SLC71A2: variants seen among roughly 807,000 people sequenced by gnomAD.
The protein encoded by SLC71A2 is solute carrier family 71 member 2.
the SLC71A2 span, among the ~76,000 whole-genome samples, chr9:94,455,378 A>ATTTTTTTTTTTT: frequency 5.4e-4 from 46 of 85,780 alleles, 2 homozygotes; most frequent in East Asian, 2.9e-3. Context: ...TAATATTCTG[A>ATTTTTTTTTTTT]TTTTTTTTTT....
the SLC71A2 span, chr9:94,458,354 G>A: frequency 6.2e-7 from 1 of 1,613,096 alleles, no homozygotes; most frequent in Non-Finnish European, 8.5e-7. Context: ...TGGAATAAGA[G>A]GACTATGCAA....
chr9:94,411,870 T>C, the SLC71A2 span, among the ~76,000 whole-genome samples: 1 of 152,182 alleles, frequency 6.6e-6, no homozygotes, highest in East Asian at 1.9e-4. Flanking sequence ...TGATTATAGG[T>C]GTGAGCCACT....
the SLC71A2 span, among the ~76,000 whole-genome samples, chr9:94,435,369 T>C: frequency 2.0e-5 from 3 of 152,236 alleles, no homozygotes; most frequent in African/African-American, 7.2e-5. Context: ...AAGGATGAAC[T>C]GTCCTTGTTC....
the SLC71A2 span, among the ~76,000 whole-genome samples, chr9:94,445,723 T>A: frequency 6.6e-6 from 1 of 152,202 alleles, no homozygotes; most frequent in South Asian, 2.1e-4. Context: ...ACATATCTTA[T>A]CTCTCACCTT....
the SLC71A2 span, among the ~76,000 whole-genome samples, chr9:94,439,947 G>A: frequency 6.6e-6 from 1 of 151,914 alleles, no homozygotes; most frequent in African/African-American, 2.4e-5. Flanking sequence ...TTTGACTAAT[G>A]AATATTAGTA....
the SLC71A2 span, among the ~76,000 whole-genome samples, chr9:94,383,349 GAC>G: frequency 1.3e-5 from 2 of 152,030 alleles, no homozygotes; most frequent in South Asian, 4.2e-4. Context: ...TTTTAATAGA[GAC>G]AGGGTTTTAC....
the SLC71A2 span, among the ~76,000 whole-genome samples, chr9:94,414,635 C>T: frequency 1.3e-5 from 2 of 152,028 alleles, no homozygotes; most frequent in Admixed American, 1.3e-4. Flanking sequence ...CAGTGATTTG[C>T]GTCGATGGGA....
the SLC71A2 span, chr9:94,415,362 G>T: frequency 1.3e-6 from 1 of 760,890 alleles, no homozygotes; most frequent in Non-Finnish European, 2.3e-6. Context: ...TCTTGATAGT[G>T]ATTTAAAACA....
chr9:94,401,181 T>C, the SLC71A2 span, among the ~76,000 whole-genome samples: 1 of 152,078 alleles, frequency 6.6e-6, no homozygotes, highest in African/African-American at 2.4e-5. Context: ...TTTTTTGTTG[T>C]TGTTTTTGAA....
At chr9:94,418,596 C>A in the SLC71A2 span, among the ~76,000 whole-genome samples, 6 of 151,756 alleles carry the variant, frequency 4.0e-5, no homozygotes, top group Admixed American at 1.3e-4. Context: ...CCACCACGTC[C>A]GACTAATTTT....
chr9:94,411,418 GTTA>G, the SLC71A2 span, among the ~76,000 whole-genome samples: 1 of 150,660 alleles, frequency 6.6e-6, no homozygotes, highest in African/African-American at 2.4e-5. Flanking sequence ...TGTCTGTGAT[GTTA>G]TGATTGATCA....
the SLC71A2 span, chr9:94,456,414 T>C: frequency 8.7e-7 from 1 of 1,155,850 alleles, no homozygotes; most frequent in South Asian, 1.2e-5. Flanking sequence ...AGCTCTGAGT[T>C]CTCCCCATCA....
At chr9:94,399,988 T>C in the SLC71A2 span, among the ~76,000 whole-genome samples, 9 of 152,154 alleles carry the variant, frequency 5.9e-5, no homozygotes, top group Admixed American at 5.9e-4. Context: ...TTTGTATTTT[T>C]AGTAGAGATG....
the SLC71A2 span, chr9:94,451,510 C>T: frequency 6.4e-7 from 1 of 1,566,018 alleles, no homozygotes; most frequent in Non-Finnish European, 8.7e-7. Context: ...GGTAGGAATT[C>T]TGTCTATTGT....
the SLC71A2 span, among the ~76,000 whole-genome samples, chr9:94,385,923 G>A: frequency 6.6e-6 from 1 of 152,088 alleles, no homozygotes; most frequent in Admixed American, 6.5e-5. Flanking sequence ...AGGTCTTGCT[G>A]TGTTGCCCAG....
At chr9:94,396,677 C>T in the SLC71A2 span, among the ~76,000 whole-genome samples, 1 of 152,286 alleles carries the variant, frequency 6.6e-6, no homozygotes, top group African/African-American at 2.4e-5. Context: ...TGTAAATGAA[C>T]AAGCACTGCT....
the SLC71A2 span, chr9:94,460,759 T>C: frequency 6.6e-6 from 1 of 152,622 alleles, no homozygotes; most frequent in African/African-American, 2.4e-5. Flanking sequence ...AAAAAATATA[T>C]ACAACTTTTA....
chr9:94,439,944 A>C, the SLC71A2 span, among the ~76,000 whole-genome samples: 19 of 152,134 alleles, frequency 1.2e-4, no homozygotes, highest in African/African-American at 4.1e-4. Context: ...TGCTTTGACT[A>C]ATGAATATTA....
the SLC71A2 span, chr9:94,446,840 A>G: frequency 6.2e-7 from 1 of 1,604,162 alleles, no homozygotes; most frequent in South Asian, 1.1e-5. Context: ...AGAAAGTTGG[A>G]AAAGATTCTA....
Sources: allele counts gnomAD v4.1 joint callset (sites outside exome capture counted in the v4.1 genomes callset), GRCh38; gene constraint gnomAD v4.1.1; transcripts MANE v1.5; gene names NCBI Gene and HGNC (gene_info 2026-07-23, HGNC 2026-07-21).